The following STXBP3 variants were observed in gnomAD, a reference collection of about 807,000 sequenced individuals.
The protein encoded by STXBP3 is syntaxin-binding protein 3.
STXBP3 carries 41 observed loss-of-function variants against 85.7 expected under a neutral mutation model. The observed-to-expected ratio is 0.48, with a 90% CI of 0.37 to 0.62. STXBP3 has a LOEUF of 0.62. Among genes scored for constraint, STXBP3 ranks in the 20% least tolerant of loss-of-function variants. The probability of loss-of-function intolerance (pLI) is 0.00; values close to 1 mark genes in which losing one functional copy is unlikely to be tolerated. For synonymous variants in STXBP3, 229 were observed against 231.7 expected (o/e 0.99, Z 0.10); for missense variants, 563 against 703.1 (o/e 0.80, Z 2.25).
At chr1:108,766,923 G>A (rs1662275907) in intron 6 of STXBP3, 1 of 535,242 alleles carries the variant, frequency 1.9e-6, no homozygotes, top group Non-Finnish European at 3.8e-6. Context: ...ATATGGAACT[G>A]GGGAGGACTT....
At chr1:108,789,294 A>T (rs1426012640) in intron 11 of STXBP3, among the ~76,000 whole-genome samples, 1 of 152,132 alleles carries the variant, frequency 6.6e-6, no homozygotes, top group Non-Finnish European at 1.5e-5. Flanking sequence ...CAAATTTGTA[A>T]ACTTTCTTAA....
rs565897163 is a variant in STXBP3, at chr1:108,760,230, T to C, written c.438+145T>C. The C allele has an allele frequency of 4.8e-5, 25 of 518,766 alleles. No homozygotes were observed. In the East Asian group the frequency reaches 7.4e-4, roughly 15 times the overall value. 32.1% of individuals were successfully genotyped at this position (518,766 alleles called of 1,614,324 possible). A position where few individuals can be genotyped will look rare whatever the true frequency, so the allele number is the denominator to read the frequency against. On this transcript the variant is annotated intron_variant, in intron 6 of 18. Coordinates refer to ENST00000370008, the MANE Select transcript of STXBP3 (RefSeq NM_007269.4). ...ATCCACAAATAGACATTTCCCATGA[T>C]GAAGTCAGACGCGTGAGCAATAAAT...
chr1:108,783,096 GC>G (rs2101124508), intron 11 of STXBP3, among the ~76,000 whole-genome samples: 1 of 152,260 alleles, frequency 6.6e-6, no homozygotes, highest in East Asian at 1.9e-4. Flanking sequence ...TGCCATGTTG[GC>G]CAGGCTGGTC....
At chr1:108,807,931 A>G (rs1570779305) in intron 18 of STXBP3, among the ~76,000 whole-genome samples, 1 of 152,184 alleles carries the variant, frequency 6.6e-6, no homozygotes, top group Non-Finnish European at 1.5e-5. Context: ...GTAAAATGTT[A>G]TCTTGTGTTA....
chr1:108,804,137 C>T (rs1053408216), intron 17 of STXBP3, among the ~76,000 whole-genome samples: 3 of 151,802 alleles, frequency 2.0e-5, no homozygotes, highest in Non-Finnish European at 1.5e-5. Context: ...AATATTGCCA[C>T]TTCTGTAGTC....
intron 17 of STXBP3, 141 bp downstream of exon 17, chr1:108,800,446 T>A: frequency 1.7e-6 from 1 of 581,302 alleles, no homozygotes; most frequent in Non-Finnish European, 3.0e-6. Context: ...TTGTTTTAAA[T>A]GAATCCAGAT....
intron 14 of STXBP3, 119 bp downstream of exon 14, chr1:108,796,491 G>A: frequency 8.6e-7 from 1 of 1,157,640 alleles, no homozygotes; most frequent in South Asian, 1.6e-5. Flanking sequence ...GAAATCGAGA[G>A]AAGACTGAAG....
intron 16 of STXBP3, 151 bp downstream of exon 16, chr1:108,798,388 CT>C (rs1281587571): frequency 3.3e-6 from 1 of 305,762 alleles, no homozygotes; most frequent in Non-Finnish European, 6.2e-6. Context: ...ATCTGGGAAA[CT>C]CTTGAAGATT....
At chr1:108,800,456 T>G (rs1663209017) in intron 17 of STXBP3, 151 bp downstream of exon 17, 1 of 568,014 alleles carries the variant, frequency 1.8e-6, no homozygotes, top group Non-Finnish European at 3.1e-6. Flanking sequence ...TGAATCCAGA[T>G]AAGCAATATG....
chr1:108,803,203 A>G (rs1438241700), intron 17 of STXBP3, among the ~76,000 whole-genome samples: 1 of 152,196 alleles, frequency 6.6e-6, no homozygotes, highest in African/African-American at 2.4e-5. Flanking sequence ...TTGACTCAAC[A>G]AAGTCGAAGA....
chr1:108,765,741 T>G (rs771440168), intron 6 of STXBP3, among the ~76,000 whole-genome samples: 4 of 151,972 alleles, frequency 2.6e-5, no homozygotes, highest in Non-Finnish European at 5.9e-5. Context: ...GGGCTAATGT[T>G]TGTACTTTTA....
chr1:108,750,281 T>C (rs960188217), intron 1 of STXBP3, among the ~76,000 whole-genome samples: 11 of 152,158 alleles, frequency 7.2e-5, no homozygotes, highest in African/African-American at 2.7e-4. Context: ...TATTTCTGTA[T>C]CTGAGCTCTA....
intron 1 of STXBP3, among the ~76,000 whole-genome samples, chr1:108,750,369 G>T (rs926585027): frequency 6.6e-6 from 1 of 151,824 alleles, no homozygotes. Flanking sequence ...TAAATATTTC[G>T]GACTTTCACC....
At chr1:108,775,478 GT>G (rs1196120723) in intron 7 of STXBP3, among the ~76,000 whole-genome samples, 2 of 151,850 alleles carry the variant, frequency 1.3e-5, no homozygotes, top group African/African-American at 2.4e-5. Context: ...TAGTCACCCT[GT>G]TGTGCTATCA....
chr1:108,779,971 G>A (rs1662682235), intron 9 of STXBP3: 1 of 151,964 alleles, frequency 6.6e-6, no homozygotes, highest in African/African-American at 2.4e-5. Flanking sequence ...AAATGAAATA[G>A]TTTTCTATCA....
At chr1:108,750,524 C>T (rs1438895275) in intron 1 of STXBP3, among the ~76,000 whole-genome samples, 1 of 152,134 alleles carries the variant, frequency 6.6e-6, no homozygotes, top group Non-Finnish European at 1.5e-5. Context: ...AACTGAATTG[C>T]TTTTACTAAC....
intron 13 of STXBP3, 93 bp downstream of exon 13, chr1:108,795,000 T>C: frequency 8.9e-7 from 1 of 1,118,994 alleles, no homozygotes; most frequent in Non-Finnish European, 1.3e-6. Context: ...ATACAGTGGT[T>C]GGTTTTTACA....
intron 4 of STXBP3, chr1:108,757,114 C>T (rs1662038186): frequency 6.1e-6 from 1 of 163,132 alleles, no homozygotes; most frequent in Non-Finnish European, 1.3e-5. Context: ...TGGATTACTT[C>T]TTTATCTCAG....
chr1:108,753,816 T>A (rs1034155508), intron 3 of STXBP3, among the ~76,000 whole-genome samples: 1 of 152,062 alleles, frequency 6.6e-6, no homozygotes, highest in Non-Finnish European at 1.5e-5. Context: ...TAAAATTTGA[T>A]CTTCATAATA....
Sources: gnomAD v4.1 joint callset for allele counts (sites outside exome capture counted in the v4.1 genomes callset) on GRCh38, gnomAD v4.1.1 for gene constraint, MANE v1.5 for transcripts, NCBI Gene and HGNC (gene_info 2026-07-23, HGNC 2026-07-21) for gene names.